The following DAP3 variants were observed in gnomAD, a reference collection of about 807,000 sequenced individuals.
DAP3 encodes small ribosomal subunit protein mS29.
In DAP3, 28 loss-of-function variants were observed where a neutral mutation model predicts 51.9. The ratio of observed to expected loss-of-function variants is 0.54; its 90% CI spans 0.40 to 0.74. DAP3 has a LOEUF of 0.74. Ranked by LOEUF, DAP3 falls within the 30% of genes least tolerant of loss-of-function variation. The pLI is 0.00. For missense variants in DAP3, 458 were observed against 483.5 expected (o/e 0.95, Z 0.49); for synonymous variants, 170 against 170.3 (o/e 1.00, Z 0.01).
At chr1:155,714,856 G>A (rs1657140665) in intron 2 of DAP3, among the ~76,000 whole-genome samples, 1 of 152,154 alleles carries the variant, frequency 6.6e-6, no homozygotes, top group African/African-American at 2.4e-5. Flanking sequence ...TAAAATGGGT[G>A]TAAGTGTGAG....
At chr1:155,699,761 A>G (rs557975524) in intron 1 of DAP3, among the ~76,000 whole-genome samples, 2 of 151,916 alleles carry the variant, frequency 1.3e-5, no homozygotes, top group East Asian at 3.9e-4. Flanking sequence ...CCACAGGCTC[A>G]CACCACCACA....
Position 155,731,927 on chromosome 1 carries a change from T to C in DAP3, c.904-17T>C. 6.3e-7 allele frequency: 1 copy of C among 1,591,462 alleles called. No homozygotes were observed. The highest frequency in any genetic ancestry group is 8.5e-7 in the Non-Finnish European group (1 of 1,171,812). On this transcript the variant is annotated splice_polypyrimidine_tract_variant and intron_variant, in intron 10 of 12. Coordinates refer to ENST00000368336, the MANE Select transcript of DAP3 (RefSeq NM_004632.4). ...TTTTTAACTTTTTCCAGTTCAGCCTTTTCTCTTTTCTTTCAGCATGGAGGC... is the reference window on the plus strand; with the variant it reads ...TTTTTAACTTTTTCCAGTTCAGCCTCTTCTCTTTTCTTTCAGCATGGAGGC...
chr1:155,721,812 C>T (rs927796140), intron 4 of DAP3, 194 bp downstream of exon 4: 4 of 565,188 alleles, frequency 7.1e-6, no homozygotes, highest in African/African-American at 1.9e-5. Flanking sequence ...ATGTTTTCCT[C>T]CTTGTATAGC....
chr1:155,708,739 C>T (rs1289091841), intron 1 of DAP3, among the ~76,000 whole-genome samples: 5 of 143,100 alleles, frequency 3.5e-5, no homozygotes, highest in Non-Finnish European at 7.5e-5. Flanking sequence ...CAGTCTTGCT[C>T]TGTCGCCCAG....
intron 6 of DAP3, 105 bp downstream of exon 6, chr1:155,726,124 T>G: frequency 9.3e-7 from 1 of 1,072,914 alleles, no homozygotes; most frequent in South Asian, 1.7e-5. Flanking sequence ...TTTTTTTTTT[T>G]TTTTTTGAGA....
chr1:155,718,641 G>C (rs1403555186), intron 3 of DAP3, among the ~76,000 whole-genome samples: 1 of 151,050 alleles, frequency 6.6e-6, no homozygotes, highest in East Asian at 1.9e-4. Context: ...AGCTGAGATC[G>C]TGCTACTGCA....
intron 9 of DAP3, among the ~76,000 whole-genome samples, chr1:155,730,272 C>CATATATGTATATTT (rs1659103536): frequency 7.6e-6 from 1 of 130,828 alleles, no homozygotes; most frequent in African/African-American, 4.4e-5. Flanking sequence ...CATACATATT[C>CATATATGTATATTT]GTATATGCAT....
At chr1:155,724,312 AG>A (rs1658325622) in intron 4 of DAP3, among the ~76,000 whole-genome samples, 1 of 152,118 alleles carries the variant, frequency 6.6e-6, no homozygotes, top group Non-Finnish European at 1.5e-5. Context: ...TTAGTTCTAG[AG>A]AAAAAAGTCT....
intron 11 of DAP3, 27 bp from the exon 12 acceptor site, chr1:155,736,919 T>A (rs767784153): frequency 1.3e-6 from 2 of 1,557,196 alleles, no homozygotes; most frequent in South Asian, 2.2e-5. Flanking sequence ...TTAACTAACA[T>A]GTTTCCTGAT....
Position 155,738,443 on chromosome 1 carries a change from A to G in DAP3, c.*201A>G, listed in dbSNP as rs1660024881. 2 of 458,262 alleles carry G rather than the reference A, an allele frequency of 4.4e-6. No homozygotes were observed. The highest frequency in any genetic ancestry group is 3.9e-5 in the African/African-American group (2 of 50,760). The allele number at this position is 458,262 out of a possible 1,614,324, so 28.4% of individuals were successfully genotyped here. A position where few individuals can be genotyped will look rare whatever the true frequency, so the allele number is the denominator to read the frequency against. ...GACAATAAGATATTCCCTTGTTCCT[A>G]AAACTTTATATCAGTTTATTGGATG... On this transcript the variant is annotated 3_prime_UTR_variant, in exon 13 of 13. Coordinates refer to ENST00000368336, the MANE Select transcript of DAP3 (RefSeq NM_004632.4).
intron 11 of DAP3, among the ~76,000 whole-genome samples, chr1:155,736,348 C>T (rs182117027): frequency 6.6e-6 from 1 of 152,216 alleles, no homozygotes; most frequent in African/African-American, 2.4e-5. Flanking sequence ...AATACATACA[C>T]ACAATATGTG....
chr1:155,700,529 G>GC (rs1370634741), intron 1 of DAP3, among the ~76,000 whole-genome samples: 3,531 of 149,606 alleles, frequency 0.024, 143 homozygotes, highest in African/African-American at 0.082. Flanking sequence ...GGGGCGGTCA[G>GC]CCCCCCGCCC....
At chr1:155,733,174 A>C (rs1433380718) in intron 11 of DAP3, among the ~76,000 whole-genome samples, 1 of 152,218 alleles carries the variant, frequency 6.6e-6, no homozygotes, top group Non-Finnish European at 1.5e-5. Flanking sequence ...TTTCCTCCTG[A>C]ATAGAAGTGA....
intron 1 of DAP3, among the ~76,000 whole-genome samples, chr1:155,697,760 C>T (rs1009105996): frequency 5.9e-5 from 9 of 152,022 alleles, no homozygotes; most frequent in South Asian, 2.1e-4. Flanking sequence ...AAACAGGGTT[C>T]GAGAGCAGAC....
chr1:155,696,171 A>G (rs997112265), intron 1 of DAP3, among the ~76,000 whole-genome samples: 5 of 152,232 alleles, frequency 3.3e-5, no homozygotes, highest in African/African-American at 9.6e-5. Context: ...AAAAAAGACC[A>G]TTCAACCAAA....
intron 2 of DAP3, among the ~76,000 whole-genome samples, chr1:155,712,747 G>A (rs999242393): frequency 2.0e-5 from 3 of 151,830 alleles, no homozygotes; most frequent in Non-Finnish European, 4.4e-5. Flanking sequence ...ACTGTCCGGG[G>A]CAATATAGCA....
intron 3 of DAP3, among the ~76,000 whole-genome samples, chr1:155,718,943 C>G (rs1243442089): frequency 5.3e-5 from 8 of 152,142 alleles, no homozygotes; most frequent in Non-Finnish European, 2.9e-5. Context: ...ATGACTGGAG[C>G]ATCTCTATAC....
At chr1:155,689,045 G>T, upstream of DAP3, 1 of 1,560,076 alleles carries the variant, frequency 6.4e-7, no homozygotes, top group South Asian at 1.2e-5. Context: ...AGGCCGCGGC[G>T]GCTGCGCGTT....
At chr1:155,692,812 C>T (rs76325949) in intron 1 of DAP3, among the ~76,000 whole-genome samples, 5 of 142,198 alleles carry the variant, frequency 3.5e-5, no homozygotes, top group East Asian at 1.9e-4. Flanking sequence ...GCTTATTATA[C>T]GATCTCTCAT....
Sources: gnomAD v4.1 joint callset for allele counts (sites outside exome capture counted in the v4.1 genomes callset) on GRCh38, gnomAD v4.1.1 for gene constraint, MANE v1.5 for transcripts, NCBI Gene and HGNC (gene_info 2026-07-23, HGNC 2026-07-21) for gene names.